Variants in STPG2 observed in about 807,000 individuals in gnomAD.
STPG2 encodes the protein sperm tail PG-rich repeat containing 2.
STPG2 carries 56 observed loss-of-function variants against 54.2 expected under a neutral mutation model. The ratio of observed to expected loss-of-function variants is 1.03; its 90% CI spans 0.83 to 1.29. STPG2 has a LOEUF of 1.29. Among genes scored for constraint, STPG2 ranks in the 50% most tolerant of loss-of-function variants. The pLI, the probability that STPG2 is intolerant of heterozygous loss-of-function variation, is 0.00. For missense variants in STPG2, 596 were observed against 544.9 expected (o/e 1.09, Z -0.93); for synonymous variants, 200 against 181.8 (o/e 1.10, Z -0.81).
At chr4:97,464,927 C>T (rs904824767) in intron 4 of STPG2, among the ~76,000 whole-genome samples, 28 of 152,234 alleles carry the variant, frequency 1.8e-4, no homozygotes, top group African/African-American at 6.3e-4. Context: ...CTGTTTTCTT[C>T]AGCTGGAATA....
intron 8 of STPG2, among the ~76,000 whole-genome samples, chr4:97,888,743 G>T (rs1370351494): frequency 6.6e-6 from 1 of 152,152 alleles, no homozygotes; most frequent in Non-Finnish European, 1.5e-5. Flanking sequence ...TGAGACTTGG[G>T]AGGGGACAGA....
At chr4:97,782,277 A>G (rs995560944) in intron 9 of STPG2, among the ~76,000 whole-genome samples, 5 of 152,228 alleles carry the variant, frequency 3.3e-5, no homozygotes, top group Admixed American at 6.5e-5. Context: ...AAGCATTCTT[A>G]TACACCAATA....
chr4:97,981,833 T>TTATATATATATATA lies in STPG2; in HGVS notation c.613-529_613-516dup, dbSNP rs3047345. ...TATTAACATTATATATATAAAATGT[T>TTATATATATATATA]TATATATATATATATATATATAACT... On this transcript the variant is annotated intron_variant, in intron 5 of 10. Coordinates refer to ENST00000295268, the MANE Select transcript of STPG2 (RefSeq NM_174952.3). 6.8e-3 allele frequency among the ~76,000 whole-genome samples: 972 copies of TTATATATATATATA among 143,278 alleles called. 15 individuals carry two copies. Among genetic ancestry groups the TTATATATATATATA allele is most frequent in the African/African-American group, 0.024 (918 of 39,016 alleles). 94.0% of individuals were successfully genotyped at this position (143,278 alleles called of 152,430 possible).
intron 5 of STPG2, among the ~76,000 whole-genome samples, chr4:98,059,835 C>T (rs960830610): frequency 2.0e-5 from 3 of 152,038 alleles, no homozygotes; most frequent in African/African-American, 7.2e-5. Context: ...TCAATAGATA[C>T]AGAAAAGGCT....
chr4:98,046,966 G>A (rs901649655), intron 5 of STPG2, among the ~76,000 whole-genome samples: 1 of 152,206 alleles, frequency 6.6e-6, no homozygotes, highest in Non-Finnish European at 1.5e-5. Flanking sequence ...GCTGCCAGAT[G>A]TGAGCTAATT....
chr4:97,551,504 T>G (rs1175414950), intron 4 of STPG2, among the ~76,000 whole-genome samples: 1 of 152,208 alleles, frequency 6.6e-6, no homozygotes, highest in African/African-American at 2.4e-5. Flanking sequence ...TACAACATTA[T>G]GCCATTTCTG....
intron 5 of STPG2, among the ~76,000 whole-genome samples, chr4:98,013,902 T>C (rs1735840706): frequency 1.3e-5 from 2 of 152,104 alleles, no homozygotes; most frequent in African/African-American, 2.4e-5. Flanking sequence ...ATTTTGTTAA[T>C]TTTTTCAAAA....
At chr4:98,002,931 G>A (rs1364804553) in intron 5 of STPG2, among the ~76,000 whole-genome samples, 2 of 152,020 alleles carry the variant, frequency 1.3e-5, no homozygotes, top group Non-Finnish European at 2.9e-5. Flanking sequence ...ATAAAAATAA[G>A]TTTTATTTCA....
At chr4:97,445,412 G>A (rs909848984) in intron 4 of STPG2, among the ~76,000 whole-genome samples, 1 of 151,980 alleles carries the variant, frequency 6.6e-6, no homozygotes, top group African/African-American at 2.4e-5. Context: ...AGCCACAAAA[G>A]TAATTTTATT....
At chr4:97,575,712 G>C (rs1732705895) in intron 10 of STPG2, among the ~76,000 whole-genome samples, 2 of 151,988 alleles carry the variant, frequency 1.3e-5, no homozygotes, top group African/African-American at 4.8e-5. Context: ...AACAAGAAAA[G>C]GATACCCACT....
chr4:97,739,324 A>G (rs995731785), intron 9 of STPG2, among the ~76,000 whole-genome samples: 16 of 152,292 alleles, frequency 1.1e-4, no homozygotes, highest in Non-Finnish European at 1.9e-4. Flanking sequence ...AAGAGCAAAC[A>G]CATTCAAAAG....
intron 9 of STPG2, among the ~76,000 whole-genome samples, chr4:97,796,379 A>G (rs1727177871): frequency 6.6e-6 from 1 of 152,152 alleles, no homozygotes. Flanking sequence ...ATTTTTTTAT[A>G]AGGTGTAAGG....
chr4:98,066,450 A>T (rs1359254895), intron 5 of STPG2, among the ~76,000 whole-genome samples: 2 of 152,088 alleles, frequency 1.3e-5, no homozygotes, highest in East Asian at 3.9e-4. Context: ...TTAGCCAGGT[A>T]TGGTGGTGCA....
At position 98,016,563 on chromosome 4, in the gene STPG2, T is replaced by G. The variant is rs529702380; in HGVS notation, c.613-35245A>C. The stretch of plus-strand genomic sequence containing the variant: ...CCATTAGAGTTCTCTGTGGAATTTT[T>G]TAGTTCAGTCATTGTGTCCTTCAGC... On this transcript the variant is annotated intron_variant, in intron 5 of 10. Transcript: ENST00000295268. Among the ~76,000 whole-genome samples, 4 of 152,312 alleles carry G rather than the reference T, an allele frequency of 2.6e-5. No homozygotes were observed. In the South Asian group the frequency reaches 8.3e-4, roughly 32 times the overall value.
At chr4:98,107,779 G>GAGAA (rs1739229277) in intron 4 of STPG2, among the ~76,000 whole-genome samples, 1 of 55,824 alleles carries the variant, frequency 1.8e-5, no homozygotes, top group Admixed American at 1.4e-4. Context: ...GAGAGACGGT[G>GAGAA]AGAGAGAGAG....
At chr4:98,083,847 T>C (rs1205269958) in intron 5 of STPG2, among the ~76,000 whole-genome samples, 1 of 152,190 alleles carries the variant, frequency 6.6e-6, no homozygotes, top group Non-Finnish European at 1.5e-5. Context: ...CTTCCACAGC[T>C]AATCTATTTT....
At chr4:97,667,408 GTT>G (rs1722562367) in intron 10 of STPG2, among the ~76,000 whole-genome samples, 1 of 152,158 alleles carries the variant, frequency 6.6e-6, no homozygotes, top group Non-Finnish European at 1.5e-5. Context: ...ACCTAGTGCA[GTT>G]TTCAAGCAAG....
intron 4 of STPG2, among the ~76,000 whole-genome samples, chr4:97,450,463 T>TG (rs1309742273): frequency 1.3e-5 from 2 of 152,100 alleles, no homozygotes; most frequent in African/African-American, 4.8e-5. Context: ...AAGAGGTACA[T>TG]GGAGACAAAA....
chr4:97,702,542 T>A (rs2148998648), intron 10 of STPG2, among the ~76,000 whole-genome samples: 1 of 152,246 alleles, frequency 6.6e-6, no homozygotes, highest in East Asian at 1.9e-4. Context: ...AGAATCAATA[T>A]TATCTTTCCT....
Sources: allele counts gnomAD v4.1 joint callset (sites outside exome capture counted in the v4.1 genomes callset), GRCh38; gene constraint gnomAD v4.1.1; transcripts MANE v1.5; gene names NCBI Gene and HGNC (gene_info 2026-07-23, HGNC 2026-07-21).